Variants in ACSM1 observed in about 807,000 individuals in gnomAD.
ACSM1 encodes the protein acyl-CoA synthetase medium chain family member 1, also known as acyl-coenzyme A synthetase ACSM1, mitochondrial.
A neutral mutation model predicts 75.8 loss-of-function variants in ACSM1; 79 were observed. That is an observed-to-expected ratio of 1.04 (90% CI 0.87 to 1.26). The LOEUF (loss-of-function observed/expected upper bound fraction) is 1.26, where lower values mean the gene tolerates loss of function less well. Ranked by LOEUF, ACSM1 falls within the 50% of genes most tolerant of loss-of-function variation. The pLI is 0.00. For synonymous variants in ACSM1, 279 were observed against 265.8 expected (o/e 1.05, Z -0.48); for missense variants, 676 against 720.1 (o/e 0.94, Z 0.70).
At chr16:20,668,339 A>C (rs1409178120) in intron 6 of ACSM1, among the ~76,000 whole-genome samples, 1 of 152,176 alleles carries the variant, frequency 6.6e-6, no homozygotes, top group Non-Finnish European at 1.5e-5. Flanking sequence ...AAATACATAA[A>C]GACCTTTTGG....
chr16:20,673,628 C>A (rs1325077627), intron 4 of ACSM1, among the ~76,000 whole-genome samples: 1 of 152,104 alleles, frequency 6.6e-6, no homozygotes, highest in African/African-American at 2.4e-5. Context: ...CTTCACTTTG[C>A]CCCCAGGTGT....
intron 2 of ACSM1, among the ~76,000 whole-genome samples, chr16:20,688,871 A>T (rs1415435218): frequency 6.6e-6 from 1 of 151,578 alleles, no homozygotes; most frequent in Non-Finnish European, 1.5e-5. Context: ...ATAAAAATCA[A>T]TATTATTATA....
At chr16:20,678,865 C>T (rs2079373847) in intron 4 of ACSM1, among the ~76,000 whole-genome samples, 1 of 152,162 alleles carries the variant, frequency 6.6e-6, no homozygotes, top group South Asian at 2.1e-4. Flanking sequence ...AAGTCAGGTG[C>T]ACCTCCACCA....
At chr16:20,644,159 C>A (rs1400295360) in intron 7 of ACSM1, among the ~76,000 whole-genome samples, 4 of 152,208 alleles carry the variant, frequency 2.6e-5, no homozygotes, top group Non-Finnish European at 5.9e-5. Context: ...TGACAGCCAG[C>A]AGCCTTTCTA....
At chr16:20,637,286 T>G in intron 9 of ACSM1, 85 bp downstream of exon 9, 1 of 1,031,730 alleles carries the variant, frequency 9.7e-7, no homozygotes, top group Non-Finnish European at 1.5e-6. Flanking sequence ...AGCAGGGAAG[T>G]GCGGCTGGTG....
intron 1 of ACSM1, among the ~76,000 whole-genome samples, chr16:20,697,151 C>T (rs373821486): frequency 6.6e-6 from 1 of 152,144 alleles, no homozygotes; most frequent in African/African-American, 2.4e-5. Flanking sequence ...TAGCTCACTG[C>T]AGCCTCAATC....
intron 7 of ACSM1, among the ~76,000 whole-genome samples, chr16:20,650,061 T>C (rs1242412862): frequency 1.3e-5 from 2 of 152,156 alleles, no homozygotes; most frequent in Admixed American, 1.3e-4. Context: ...CTTTTGAGCT[T>C]CTCCTCTGGT....
At chr16:20,675,095 G>T (rs979204077) in intron 4 of ACSM1, among the ~76,000 whole-genome samples, 4 of 152,208 alleles carry the variant, frequency 2.6e-5, no homozygotes, top group African/African-American at 9.6e-5. Flanking sequence ...GTGTGTGGGT[G>T]TGTGCGGACC....
intron 6 of ACSM1, among the ~76,000 whole-genome samples, chr16:20,669,303 A>G (rs2019747428): frequency 6.6e-6 from 1 of 152,164 alleles, no homozygotes; most frequent in African/African-American, 2.4e-5. Flanking sequence ...TAATTATTAA[A>G]AGACCTATTT....
intron 9 of ACSM1, 117 bp from the exon 10 acceptor site, chr16:20,636,957 A>G: frequency 1.3e-6 from 1 of 752,462 alleles, no homozygotes. Flanking sequence ...CAGAGGAAAC[A>G]TCAGAAAATG....
At chr16:20,624,978 C>T (rs1353929538) in intron 12 of ACSM1, among the ~76,000 whole-genome samples, 2 of 152,118 alleles carry the variant, frequency 1.3e-5, no homozygotes, top group African/African-American at 4.8e-5. Flanking sequence ...ACCTCAGCCT[C>T]CCAAAACATT....
chr16:20,669,813 G>T lies in ACSM1; in HGVS notation c.912+14C>A, dbSNP rs764099111. On this transcript the variant is annotated intron_variant, in intron 6 of 13. Coordinates refer to ENST00000520010, the MANE Select transcript of ACSM1 (RefSeq NM_001318890.3). ...TCTGGAATTTTGCTGATAGGGGAAG[G>T]TGAGTCTTCTTACCTGTATGATGAC... 3.1e-6 allele frequency: 5 copies of T among 1,611,560 alleles called. No individual in the cohort carries two copies. In the East Asian group the frequency reaches 1.1e-4, roughly 36 times the overall value.
rs1194905118 is a variant in ACSM1, at chr16:20,623,494, G to A, written c.1726C>T (p.Gln576Ter). The A allele has an allele frequency of 2.5e-6, 4 of 1,613,906 alleles. No homozygotes were observed. The East Asian group carries it at 8.9e-5, about 36-fold the overall frequency. The change falls in exon 14 of 14, where the codon CAG becomes TAG. Residue 576 changes from glutamine to a stop codon, truncating the protein, a stop_gained. Transcript: ENST00000520010. LOFTEE classifies it high-confidence loss of function. The stretch of plus-strand genomic sequence containing the variant: ...TCTGAGTTCACTGCCGATTACATCT[G>A]ACCAGTCTCCTTTTTCCGAAGTTCC... Reference protein sequence around the residue: ...RKELRKKETGQM With the variant: ...RKELRKKETG
At chr16:20,645,764 G>T (rs2018326181) in intron 7 of ACSM1, among the ~76,000 whole-genome samples, 1 of 152,136 alleles carries the variant, frequency 6.6e-6, no homozygotes, top group Non-Finnish European at 1.5e-5. Flanking sequence ...CATGGAGATT[G>T]GTGCTGCAGA....
At chr16:20,646,281 C>T (rs944085743) in intron 7 of ACSM1, among the ~76,000 whole-genome samples, 5 of 152,274 alleles carry the variant, frequency 3.3e-5, no homozygotes, top group African/African-American at 1.2e-4. Flanking sequence ...AGAAATAAGC[C>T]ACCCCCTTGT....
chr16:20,686,123 C>T (rs2079549882), intron 2 of ACSM1, among the ~76,000 whole-genome samples: 1 of 151,988 alleles, frequency 6.6e-6, no homozygotes, highest in Non-Finnish European at 1.5e-5. Context: ...GTAAGAGTGC[C>T]TGTCACATAG....
intron 8 of ACSM1, among the ~76,000 whole-genome samples, chr16:20,638,178 T>A (rs750983020): frequency 9.2e-5 from 14 of 152,214 alleles, no homozygotes; most frequent in Non-Finnish European, 1.6e-4. Flanking sequence ...ACACACTAAA[T>A]GCATGCCAAT....
chr16:20,658,546 T>C (rs1316915045), intron 7 of ACSM1, among the ~76,000 whole-genome samples: 1 of 152,206 alleles, frequency 6.6e-6, no homozygotes, highest in Non-Finnish European at 1.5e-5. Context: ...TAATTGGCTA[T>C]AAGTCTTTTG....
chr16:20,687,515 G>T (rs2079575043), intron 2 of ACSM1, among the ~76,000 whole-genome samples: 1 of 152,046 alleles, frequency 6.6e-6, no homozygotes, highest in South Asian at 2.1e-4. Flanking sequence ...ACTGAGAGAG[G>T]GGGGCTGCTT....
Sources: allele counts gnomAD v4.1 joint callset (sites outside exome capture counted in the v4.1 genomes callset), GRCh38; gene constraint gnomAD v4.1.1; transcripts MANE v1.5; gene names NCBI Gene and HGNC (gene_info 2026-07-23, HGNC 2026-07-21).